The following TTBK1 variants were observed in gnomAD, a reference collection of about 807,000 sequenced individuals.
TTBK1 encodes the protein tau-tubulin kinase 1.
A neutral mutation model predicts 108.5 loss-of-function variants in TTBK1; 34 were observed. The observed-to-expected ratio is 0.31, with a 90% CI of 0.24 to 0.42. The LOEUF (loss-of-function observed/expected upper bound fraction) is 0.42, where lower values mean the gene tolerates loss of function less well. TTBK1 is among the 10% of genes least tolerant of loss of function. The pLI is 1.00. For missense variants in TTBK1, 1,539 were observed against 1,826.0 expected, an observed-to-expected ratio of 0.84 and a Z score of 2.86; for synonymous variants, 809 against 795.1, an observed-to-expected ratio of 1.02 and a Z score of -0.29.
At chr6:43,247,599 G>C (rs1456159574) in intron 2 of TTBK1, among the ~76,000 whole-genome samples, 1 of 152,116 alleles carries the variant, frequency 6.6e-6, no homozygotes, top group Non-Finnish European at 1.5e-5. Context: ...CAGGGGGAGG[G>C]GAGGGAGAAC....
At position 43,271,976 on chromosome 6, in the gene TTBK1, G is replaced by A. The variant is rs1777846859; in HGVS notation, c.1986+8626G>A. The A allele has an allele frequency of 5.1e-6, 5 of 985,016 alleles. No homozygotes were observed. The African/African-American group carries it at 8.7e-5, about 17-fold the overall frequency. 61.0% of individuals were successfully genotyped at this position (985,016 alleles called of 1,614,324 possible). ...GCTTTGCACCCTGCTCAGGCAGTAGGCAGGAGAGGGTCAAGGTGGACCCTT... is the reference window on the plus strand; with the variant it reads ...GCTTTGCACCCTGCTCAGGCAGTAGACAGGAGAGGGTCAAGGTGGACCCTT... On this transcript the variant is annotated intron_variant, in intron 13 of 14. Transcript: ENST00000259750.
chr6:43,244,289 T>C (rs1435122380), intron 1 of TTBK1, among the ~76,000 whole-genome samples: 4 of 151,822 alleles, frequency 2.6e-5, no homozygotes, highest in African/African-American at 4.8e-5. Flanking sequence ...TCACCTCTCC[T>C]TACCTGGGCT....
At chr6:43,284,770 C>G (rs901997531) in intron 14 of TTBK1, among the ~76,000 whole-genome samples, 1 of 152,200 alleles carries the variant, frequency 6.6e-6, no homozygotes, top group African/African-American at 2.4e-5. Flanking sequence ...GCAGCAGGCT[C>G]TTCCAGCAGC....
Position 43,246,768 on chromosome 6 carries a change from GGTGA to G in TTBK1, c.108+9_108+12del, listed in dbSNP as rs768108291. ...ACGTGGTCAAGGATCGCTGGAAGGT[GGTGA>G]GTGAGTGACCCGGCGGGACAGAGGG... On this transcript the variant is annotated splice_donor_variant and splice_donor_region_variant and intron_variant, in intron 2 of 14. Transcript: ENST00000259750. LOFTEE classifies it high-confidence loss of function. 1.9e-6 allele frequency: 3 copies of G among 1,608,592 alleles called. No homozygotes were observed. Among genetic ancestry groups the G allele is most frequent in the Non-Finnish European group, 2.5e-6 (3 of 1,177,100 alleles).
At position 43,283,461 on chromosome 6, in the gene TTBK1, G is replaced by T. The variant is rs765490429; in HGVS notation, c.2721G>T (p.Gly907=). ...GGCCTGGGGCAGGGCTGGGGGCCGG[G>T]ACAGTGACCACAGGGGTCGGGGGCG... ...PPGPGAGLGA[G]TVTTGVGGVA... The change falls in exon 14 of 15, where the codon GGG becomes GGT. Residue 907 remains glycine (G), a synonymous_variant. Coordinates refer to ENST00000259750, the MANE Select transcript of TTBK1 (RefSeq NM_032538.3). This position sits in a 1 kb window ranked among gnomAD's most constrained non-coding sequence, Gnocchi z 8.1. 4 of 1,614,044 alleles carry T rather than the reference G, an allele frequency of 2.5e-6. No individual in the cohort carries two copies. The highest frequency in any genetic ancestry group is 2.5e-6 in the Non-Finnish European group (3 of 1,179,972).
chr6:43,281,797 T>A (rs1343750573), intron 13 of TTBK1, among the ~76,000 whole-genome samples: 1 of 152,182 alleles, frequency 6.6e-6, no homozygotes, highest in Non-Finnish European at 1.5e-5. Context: ...CAAAGCTGTG[T>A]CAGCCCTGAT....
chr6:43,260,054 CT>C (rs1394893110), intron 12 of TTBK1, among the ~76,000 whole-genome samples: 2 of 152,060 alleles, frequency 1.3e-5, no homozygotes, highest in African/African-American at 4.8e-5. Flanking sequence ...ATTATAGACA[CT>C]TCAAGTGCAG....
Position 43,269,569 on chromosome 6 carries a change from G to A in TTBK1, c.1986+6219G>A. ...GGCGCCGCAGGGGCTGTGAGCGGTGGGTGGCCCCGGAGACGGAGCTGTCGA... is the reference window on the plus strand; with the variant it reads ...GGCGCCGCAGGGGCTGTGAGCGGTGAGTGGCCCCGGAGACGGAGCTGTCGA... On this transcript the variant is annotated intron_variant, in intron 13 of 14. Transcript: ENST00000259750. This position sits in a 1 kb window ranked among gnomAD's most constrained non-coding sequence, Gnocchi z 4.8. 1 of 1,453,718 alleles carries A rather than the reference G, an allele frequency of 6.9e-7. No individual in the cohort carries two copies. Among genetic ancestry groups the A allele is most frequent in the Admixed American group, 2.3e-5 (1 of 43,440 alleles). The allele number at this position is 1,453,718 out of a possible 1,614,324, so 90.1% of individuals were successfully genotyped here.
Position 43,283,512 on chromosome 6 carries a change from C to T in TTBK1, c.2772C>T (p.Thr924=). ...GGVAVTSSPF[T]KVERTFVHIA... is the part of the protein sequence containing the mutation. ...TGGCAGTCACCTCCTCACCCTTCAC[C>T]AAAGTTGAGAGGACCTTTGTGCACA... is the stretch of plus-strand genomic sequence containing the variant. Residue 924 remains threonine, a synonymous_variant, in exon 14 of 15, where the codon ACC becomes ACT. Coordinates refer to ENST00000259750, the MANE Select transcript of TTBK1 (RefSeq NM_032538.3). The surrounding 1 kb of genome is among the most constrained non-coding windows in gnomAD (Gnocchi z 8.1). 1 of 1,614,150 alleles carries T rather than the reference C, an allele frequency of 6.2e-7. No individual in the cohort carries two copies.
intron 13 of TTBK1, among the ~76,000 whole-genome samples, chr6:43,281,375 C>CAA (rs758326054): frequency 0.084 from 6,392 of 76,114 alleles, 211 homozygotes; most frequent in East Asian, 0.16. Context: ...GGCTCCATAT[C>CAA]AAAAAAAAAA....
At chr6:43,258,474 C>T (rs193291655) in intron 10 of TTBK1, among the ~76,000 whole-genome samples, 114 of 152,158 alleles carry the variant, frequency 7.5e-4, no homozygotes, top group African/African-American at 2.5e-3. Context: ...GAGAGGTGGG[C>T]AGGGGCTTCA....
chr6:43,252,497 T>G (rs1250515906), intron 2 of TTBK1, among the ~76,000 whole-genome samples: 3 of 151,810 alleles, frequency 2.0e-5, no homozygotes, highest in African/African-American at 7.3e-5. Context: ...CATGGTGGTG[T>G]GCACCTGTAG....
rs1777597140 is a variant in TTBK1 at position 43,263,334 on chromosome 6, C to T, written c.1970C>T (p.Thr657Ile). ...PRPRRRESDP[T>I]GPQRQVFSVA... is the part of the protein sequence containing the mutation. ...CCTCGACGGAGAGAGTCGGACCCCA[C>T]AGGCCCACAGAGACAGGTAAGGTTG... The change falls in exon 13 of 15, where the codon ACA becomes ATA. Residue 657 changes from threonine (T) to isoleucine (I), a missense_variant. Transcript: ENST00000259750. This position sits in a 1 kb window ranked among gnomAD's most constrained non-coding sequence, Gnocchi z 4.7. The T allele has an allele frequency of 1.4e-6, 2 of 1,462,418 alleles. No individual in the cohort carries two copies. Among genetic ancestry groups the T allele is most frequent in the African/African-American group, 2.9e-5 (2 of 70,022 alleles). The allele number at this position is 1,462,418 out of a possible 1,614,324, so 90.6% of individuals were successfully genotyped here. A position where few individuals can be genotyped will look rare whatever the true frequency, so the allele number is the denominator to read the frequency against.
At chr6:43,267,221 G>C (rs1777704957) in intron 13 of TTBK1, among the ~76,000 whole-genome samples, 1 of 152,192 alleles carries the variant, frequency 6.6e-6, no homozygotes, top group African/African-American at 2.4e-5. Context: ...ATCAAGGGTA[G>C]AGGAGCAGGG....
chr6:43,284,095 C>T lies in TTBK1; in HGVS notation c.3355C>T (p.Arg1119Cys), dbSNP rs1300343040. 4 of 1,540,112 alleles carry T rather than the reference C, an allele frequency of 2.6e-6. No homozygotes were observed. The highest frequency in any genetic ancestry group is 1.4e-5 in the African/African-American group (1 of 73,024). Residue 1119 changes from arginine (R) to cysteine (C), a missense_variant, in exon 14 of 15, where the codon CGT becomes TGT. Arg to Cys is a radical substitution (Grantham distance 180). Coordinates refer to ENST00000259750, the MANE Select transcript of TTBK1 (RefSeq NM_032538.3). ...GTCCTCCTCCAGTGAGGAGCAGCGC[C>T]GTGCCTCTGAGACCCTCTCAGGCAC... Reference protein sequence around the residue: ...ASSSSSEEQRRASETLSGTGS... With the variant: ...ASSSSSEEQRCASETLSGTGS...
chr6:43,264,338 G>A lies in TTBK1; in HGVS notation c.1986+988G>A, dbSNP rs924533851. On this transcript the variant is annotated intron_variant, in intron 13 of 14. Coordinates refer to ENST00000259750, the MANE Select transcript of TTBK1 (RefSeq NM_032538.3). Reference sequence around the variant, plus strand: ...GCAGAGGTTGCAGTGAGCCAAGACTGTGCCATTGCACTCCAGCCTGGGTGA... The same window carrying A: ...GCAGAGGTTGCAGTGAGCCAAGACTATGCCATTGCACTCCAGCCTGGGTGA... Among the ~76,000 whole-genome samples the A allele has an allele frequency of 5.3e-5, 8 of 152,254 alleles. No homozygotes were observed. The East Asian group carries it at 1.3e-3, about 26-fold the overall frequency.
Position 43,276,865 on chromosome 6 carries a change from C to G in TTBK1, c.1987-5862C>G, listed in dbSNP as rs954469259. Among the ~76,000 whole-genome samples the G allele has an allele frequency of 1.3e-5, 2 of 152,132 alleles. No homozygotes were observed. The highest frequency in any genetic ancestry group is 4.8e-5 in the African/African-American group (2 of 41,426). ...CAGGCAGCTGGGTGAGGAGGGCACC[C>G]CAGAGGTTTGGGCCTAGTTGGACTT... is the stretch of plus-strand genomic sequence containing the variant. On this transcript the variant is annotated intron_variant, in intron 13 of 14. Coordinates refer to ENST00000259750, the MANE Select transcript of TTBK1 (RefSeq NM_032538.3). This position sits in a 1 kb window ranked among gnomAD's most constrained non-coding sequence, Gnocchi z 5.4.
Position 43,259,483 on chromosome 6 carries a change from C to G in TTBK1, c.1249-48C>G. ...CTTCACCCTGAGGAGACCATCCGCCCACAGCCGCCTCATCAGCCCCAGCTC... is the reference window on the plus strand; with the variant it reads ...CTTCACCCTGAGGAGACCATCCGCCGACAGCCGCCTCATCAGCCCCAGCTC... On this transcript the variant is annotated intron_variant, in intron 11 of 14. Transcript: ENST00000259750. The surrounding 1 kb of genome is among the most constrained non-coding windows in gnomAD (Gnocchi z 6.7). 1 of 1,513,050 alleles carries G rather than the reference C, an allele frequency of 6.6e-7. No individual in the cohort carries two copies. Among genetic ancestry groups the G allele is most frequent in the Non-Finnish European group, 8.8e-7 (1 of 1,132,526 alleles). The allele number at this position is 1,513,050 out of a possible 1,614,324, so 93.7% of individuals were successfully genotyped here. A position where few individuals can be genotyped will look rare whatever the true frequency, so the allele number is the denominator to read the frequency against.
Position 43,286,220 on chromosome 6 carries a change from T to C in TTBK1, c.*844T>C, listed in dbSNP as rs1257268642. 6.5e-6 allele frequency: 1 copy of C among 152,714 alleles called. No individual in the cohort carries two copies. The highest frequency in any genetic ancestry group is 2.4e-5 in the African/African-American group (1 of 41,434). 9.5% of individuals were successfully genotyped at this position (152,714 alleles called of 1,614,324 possible). A position where few individuals can be genotyped will look rare whatever the true frequency, so the allele number is the denominator to read the frequency against. On this transcript the variant is annotated 3_prime_UTR_variant, in exon 15 of 15. Transcript: ENST00000259750. The surrounding 1 kb of genome is among the most constrained non-coding windows in gnomAD (Gnocchi z 4.6). ...TGTGGGCTGCCTTCCTGGGCAAGTATTTCCCAGTGGGAAGTTGGAGGGGGC... is the reference window on the plus strand; with the variant it reads ...TGTGGGCTGCCTTCCTGGGCAAGTACTTCCCAGTGGGAAGTTGGAGGGGGC...
Sources: allele counts gnomAD v4.1 joint callset (sites outside exome capture counted in the v4.1 genomes callset), GRCh38; gene constraint gnomAD v4.1.1; non-coding constraint Gnocchi (gnomAD v3.1); transcripts MANE v1.5; gene names NCBI Gene and HGNC (gene_info 2026-07-23, HGNC 2026-07-21).